Variants in CDH20 observed in about 807,000 individuals in gnomAD.
CDH20 encodes cadherin 20.
In CDH20, 29 loss-of-function variants were observed where a neutral mutation model predicts 74.2. The ratio of observed to expected loss-of-function variants is 0.39; its 90% CI spans 0.29 to 0.53. The LOEUF (loss-of-function observed/expected upper bound fraction) is 0.53, where lower values mean the gene tolerates loss of function less well. Among genes scored for constraint, CDH20 ranks in the 20% least tolerant of loss-of-function variants. The pLI is 0.69. For synonymous variants in CDH20, 469 were observed against 405.4 expected (o/e 1.16, Z -1.88); for missense variants, 988 against 1,048.3 (o/e 0.94, Z 0.79).
chr18:61,468,388 A>G (rs1301753215), intron 1 of CDH20, among the ~76,000 whole-genome samples: 1 of 152,162 alleles, frequency 6.6e-6, no homozygotes, highest in Admixed American at 6.5e-5. Context: ...TGAGTGAAGG[A>G]AATCCCTTTT....
chr18:61,515,833 A>G (rs1200331718), intron 6 of CDH20, among the ~76,000 whole-genome samples: 3 of 150,772 alleles, frequency 2.0e-5, no homozygotes, highest in African/African-American at 7.3e-5. Flanking sequence ...ATGCTAGATG[A>G]TGAGTTAGTG....
At chr18:61,551,614 CCTG>C (rs1375143542) in intron 11 of CDH20, among the ~76,000 whole-genome samples, 1 of 152,098 alleles carries the variant, frequency 6.6e-6, no homozygotes, top group Non-Finnish European at 1.5e-5. Flanking sequence ...TTCTTGGATC[CCTG>C]TGTCAAGAGA....
intron 5 of CDH20, 148 bp downstream of exon 5, chr18:61,503,268 T>C (rs1222161987): frequency 1.0e-5 from 6 of 572,522 alleles, no homozygotes; most frequent in Non-Finnish European, 1.8e-5. Flanking sequence ...AATTCTCGCA[T>C]AACTATTTGC....
chr18:61,511,145 G>A (rs1040595350), intron 6 of CDH20, among the ~76,000 whole-genome samples: 1 of 150,006 alleles, frequency 6.7e-6, no homozygotes, highest in Non-Finnish European at 1.5e-5. Context: ...TGCCATCACA[G>A]CCACCTAATT....
chr18:61,420,592 A>C (rs1039610628), intron 1 of CDH20, among the ~76,000 whole-genome samples: 1 of 152,170 alleles, frequency 6.6e-6, no homozygotes, highest in Non-Finnish European at 1.5e-5. Flanking sequence ...TTTCAAAAAA[A>C]TTTTTGAGTG....
intron 1 of CDH20, among the ~76,000 whole-genome samples, chr18:61,453,281 T>C (rs952098766): frequency 1.3e-5 from 2 of 149,988 alleles, no homozygotes; most frequent in Non-Finnish European, 3.0e-5. Flanking sequence ...TTTCTGTTTT[T>C]TTGTTTGTTT....
chr18:61,372,205 T>C (rs1023657278), intron 1 of CDH20, among the ~76,000 whole-genome samples: 8 of 152,104 alleles, frequency 5.3e-5, no homozygotes, highest in Middle Eastern at 3.2e-3. Context: ...TTGTCTTTCC[T>C]AGCTCTCTAG....
At position 61,500,324 on chromosome 18, in the gene CDH20, A is replaced by G. The variant is rs1414001713; in HGVS notation, c.542-59A>G. 86 of 1,569,446 alleles carry G rather than the reference A, an allele frequency of 5.5e-5. 2 individuals are homozygous for G. The South Asian group carries it at 9.7e-4, about 18-fold the overall frequency. ...AATGCTTTAAGATGGACCGCTCAGGATTGCATCCAGCCTTTAGCTATTAGA... is the reference window on the plus strand; with the variant it reads ...AATGCTTTAAGATGGACCGCTCAGGGTTGCATCCAGCCTTTAGCTATTAGA... On this transcript the variant is annotated intron_variant, in intron 3 of 11. Coordinates refer to ENST00000262717, the MANE Select transcript of CDH20 (RefSeq NM_031891.4).
chr18:61,356,931 A>G (rs1434137854), intron 1 of CDH20, among the ~76,000 whole-genome samples: 1 of 152,222 alleles, frequency 6.6e-6, no homozygotes, highest in Non-Finnish European at 1.5e-5. Flanking sequence ...TTCTTGAAGT[A>G]TTTAAAGAGT....
At chr18:61,378,064 C>T (rs1911303707) in intron 1 of CDH20, among the ~76,000 whole-genome samples, 1 of 152,170 alleles carries the variant, frequency 6.6e-6, no homozygotes, top group Non-Finnish European at 1.5e-5. Flanking sequence ...GTCAACAGGG[C>T]TCTGTTCACA....
At chr18:61,412,130 G>A (rs948698878) in intron 1 of CDH20, among the ~76,000 whole-genome samples, 1 of 151,502 alleles carries the variant, frequency 6.6e-6, no homozygotes, top group Admixed American at 6.6e-5. Flanking sequence ...GCCAGGCATA[G>A]AAAACAAAGA....
chr18:61,344,394 G>A (rs962966236), intron 1 of CDH20, among the ~76,000 whole-genome samples: 1 of 152,054 alleles, frequency 6.6e-6, no homozygotes, highest in African/African-American at 2.4e-5. Flanking sequence ...TAGCCTTACT[G>A]CTTGAACCTG....
chr18:61,481,737 G>A (rs991068825), intron 1 of CDH20, among the ~76,000 whole-genome samples: 10 of 151,956 alleles, frequency 6.6e-5, no homozygotes, highest in Non-Finnish European at 1.0e-4. Flanking sequence ...AAATAGAGAC[G>A]AGGTTTTGCC....
At chr18:61,420,829 G>A (rs1471768981) in intron 1 of CDH20, among the ~76,000 whole-genome samples, 1 of 152,158 alleles carries the variant, frequency 6.6e-6, no homozygotes, top group East Asian at 1.9e-4. Flanking sequence ...TGAGGTGGGT[G>A]GATCGCCTGA....
At chr18:61,482,669 A>T (rs889855840) in intron 1 of CDH20, among the ~76,000 whole-genome samples, 14 of 151,786 alleles carry the variant, frequency 9.2e-5, no homozygotes, top group African/African-American at 1.9e-4. Context: ...ACATATATAT[A>T]TTTTAAATAG....
At chr18:61,491,895 G>C (rs1051379925) in intron 2 of CDH20, among the ~76,000 whole-genome samples, 1 of 151,690 alleles carries the variant, frequency 6.6e-6, no homozygotes, top group Non-Finnish European at 1.5e-5. Flanking sequence ...TTTCTCAGCC[G>C]CGTTTGTGGG....
intron 1 of CDH20, among the ~76,000 whole-genome samples, chr18:61,367,299 C>T (rs1047832131): frequency 9.9e-5 from 15 of 152,122 alleles, no homozygotes; most frequent in African/African-American, 2.9e-4. Flanking sequence ...GAAACCAGCA[C>T]GAAAGGAAGT....
At chr18:61,409,490 T>C (rs1276697576) in intron 1 of CDH20, among the ~76,000 whole-genome samples, 1 of 152,178 alleles carries the variant, frequency 6.6e-6, no homozygotes, top group Non-Finnish European at 1.5e-5. Context: ...ATTCACAAAG[T>C]GGCCCAGCCA....
At chr18:61,427,037 G>C (rs551791573) in intron 1 of CDH20, among the ~76,000 whole-genome samples, 1 of 152,084 alleles carries the variant, frequency 6.6e-6, no homozygotes, top group Non-Finnish European at 1.5e-5. Flanking sequence ...CAGAGTGAGG[G>C]GCAAGAACAG....
Sources: allele counts gnomAD v4.1 joint callset (sites outside exome capture counted in the v4.1 genomes callset), GRCh38; gene constraint gnomAD v4.1.1; transcripts MANE v1.5; gene names NCBI Gene and HGNC (gene_info 2026-07-23, HGNC 2026-07-21).